APBA2: variants seen among roughly 807,000 people sequenced by gnomAD.
The protein encoded by APBA2 is amyloid-beta A4 precursor protein-binding family A member 2.
APBA2 carries 30 observed loss-of-function variants against 75.0 expected under a neutral mutation model. The ratio of observed to expected loss-of-function variants is 0.40; its 90% CI spans 0.30 to 0.54. The LOEUF is 0.54. Among genes scored for constraint, APBA2 ranks in the 20% least tolerant of loss-of-function variants. APBA2 has a pLI of 0.49. For synonymous variants in APBA2, 444 were observed against 409.6 expected (o/e 1.08, Z -1.01); for missense variants, 801 against 1,016.1 (o/e 0.79, Z 2.88).
chr15:28,919,706 G>A (rs1420785216), intron 1 of APBA2, among the ~76,000 whole-genome samples: 3 of 152,204 alleles, frequency 2.0e-5, no homozygotes, highest in Non-Finnish European at 4.4e-5. Flanking sequence ...CAGAAGGGCT[G>A]TGTACTTTTG....
intron 14 of APBA2, among the ~76,000 whole-genome samples, chr15:29,116,747 G>A (rs1465775872): frequency 6.6e-6 from 1 of 152,174 alleles, no homozygotes; most frequent in African/African-American, 2.4e-5. Flanking sequence ...CAGCCCCAGT[G>A]GATGGGCAAA....
chr15:28,888,133 T>A (rs2031879754), intron 1 of APBA2, among the ~76,000 whole-genome samples: 1 of 152,220 alleles, frequency 6.6e-6, no homozygotes, highest in Non-Finnish European at 1.5e-5. Flanking sequence ...TTTTAAGTAG[T>A]TCTAACCTCT....
chr15:28,934,063 G>T (rs1258118563), intron 2 of APBA2, among the ~76,000 whole-genome samples: 1 of 151,862 alleles, frequency 6.6e-6, no homozygotes, highest in Non-Finnish European at 1.5e-5. Flanking sequence ...CTTCCGCCTG[G>T]TCTCTAAACC....
In APBA2 at chr15:29,106,808, G is replaced by A. The variant is rs1419720571; in HGVS notation, c.1906G>A (p.Gly636Ser). 11 of 1,612,718 alleles carry A rather than the reference G, an allele frequency of 6.8e-6. No individual in the cohort carries two copies. The highest frequency in any genetic ancestry group is 9.3e-6 in the Non-Finnish European group (11 of 1,179,826). The change falls in exon 12 of 15, where the codon GGC (glycine) becomes AGC (serine). Residue 636 changes from glycine to serine, a missense_variant. Physicochemically the swap from Gly to Ser is moderately conservative, Grantham distance 56. Transcript: ENST00000683413. ...GGGGCTGCCCCTCGCCACCTGCCAA[G>A]GCATCATCAAGGTAGGCACCCTGGG... ...LVGLPLATCQ[G>S]IIKGLKNQTQ...
intron 2 of APBA2, among the ~76,000 whole-genome samples, chr15:28,944,189 A>G (rs1028488826): frequency 6.6e-6 from 1 of 152,192 alleles, no homozygotes; most frequent in Admixed American, 6.5e-5. Flanking sequence ...GAGACATCAG[A>G]TAAGAGACAT....
chr15:28,930,274 G>T (rs2034494541), intron 2 of APBA2, among the ~76,000 whole-genome samples: 1 of 152,174 alleles, frequency 6.6e-6, no homozygotes, highest in Non-Finnish European at 1.5e-5. Flanking sequence ...AGGACCATAA[G>T]GTCCATCTGG....
chr15:28,903,739 G>A (rs1317720405), intron 1 of APBA2, among the ~76,000 whole-genome samples: 1 of 152,206 alleles, frequency 6.6e-6, no homozygotes, highest in Non-Finnish European at 1.5e-5. Context: ...GATGATGTGA[G>A]TCATGACAGA....
chr15:29,098,027 G>A (rs997525072), intron 8 of APBA2, among the ~76,000 whole-genome samples: 1 of 152,152 alleles, frequency 6.6e-6, no homozygotes, highest in Non-Finnish European at 1.5e-5. Context: ...GTGTCTGCGC[G>A]CCACATTTCT....
At chr15:28,995,687 A>G (rs1012483425) in intron 2 of APBA2, 66 bp from the exon 3 acceptor site, 9 of 152,152 alleles carry the variant, frequency 5.9e-5, no homozygotes, top group Admixed American at 3.9e-4. Context: ...AAGGAGCTCT[A>G]TGTGCGCACC....
chr15:29,076,288 G>C (rs912098099), intron 6 of APBA2, among the ~76,000 whole-genome samples, 197 bp downstream of exon 6: 1 of 152,106 alleles, frequency 6.6e-6, no homozygotes, highest in Non-Finnish European at 1.5e-5. Context: ...TGATCTGCCC[G>C]CTTTGATGCA....
chr15:29,118,266 G>A lies in APBA2; in HGVS notation c.*1133G>A, dbSNP rs556846738. 11 of 152,634 alleles carry A rather than the reference G, an allele frequency of 7.2e-5. No homozygotes were observed. The highest frequency in any genetic ancestry group is 2.4e-4 in the African/African-American group (10 of 41,588). The allele number at this position is 152,634 out of a possible 1,614,324, so 9.5% of individuals were successfully genotyped here. ...TGCCGTGTGTTGCATGCAGCTACCCGTAGGAAGACTTCGCGCATATCACTA... is the reference window on the plus strand; with the variant it reads ...TGCCGTGTGTTGCATGCAGCTACCCATAGGAAGACTTCGCGCATATCACTA... On this transcript the variant is annotated 3_prime_UTR_variant, in exon 15 of 15. Transcript: ENST00000683413.
chr15:28,961,207 C>G (rs1240194924), intron 2 of APBA2: 1 of 152,230 alleles, frequency 6.6e-6, no homozygotes, highest in Non-Finnish European at 1.5e-5. Flanking sequence ...CACTCAGAAA[C>G]AGTGTGCTGA....
intron 4 of APBA2, among the ~76,000 whole-genome samples, chr15:29,073,141 A>C (rs1312712310): frequency 6.6e-6 from 1 of 152,204 alleles, no homozygotes; most frequent in Non-Finnish European, 1.5e-5. Context: ...TCAAAACCCC[A>C]GAGAGGCAGA....
chr15:28,995,005 A>T (rs973929396), intron 2 of APBA2, among the ~76,000 whole-genome samples: 1 of 152,196 alleles, frequency 6.6e-6, no homozygotes, highest in Non-Finnish European at 1.5e-5. Flanking sequence ...ACATGGAGGG[A>T]GAGGCAGAAT....
At chr15:28,984,339 C>T (rs1333469368) in intron 2 of APBA2, among the ~76,000 whole-genome samples, 4 of 152,054 alleles carry the variant, frequency 2.6e-5, no homozygotes, top group Admixed American at 2.0e-4. Flanking sequence ...ATTTATGCCA[C>T]GTAGCAACCC....
intron 13 of APBA2, among the ~76,000 whole-genome samples, chr15:29,110,616 C>CA (rs1468494441): frequency 6.6e-6 from 1 of 152,218 alleles, no homozygotes; most frequent in Non-Finnish European, 1.5e-5. Context: ...ACTATAACCC[C>CA]ATGAGGAGCA....
rs1477380483 is a variant in APBA2, at chr15:29,117,445, T to C, written c.*312T>C. 2.2e-6 allele frequency: 1 copy of C among 450,364 alleles called. No homozygotes were observed. Among genetic ancestry groups the C allele is most frequent in the Non-Finnish European group, 4.1e-6 (1 of 244,292 alleles). 27.9% of individuals were successfully genotyped at this position (450,364 alleles called of 1,614,324 possible). A position where few individuals can be genotyped will look rare whatever the true frequency, so the allele number is the denominator to read the frequency against. Reference sequence around the variant, plus strand: ...GTAGCTGTGCGTGGTGTGGAGTGTGTGTCTTTCCTCCCTGAAGCTGTGCGG... The same window carrying C: ...GTAGCTGTGCGTGGTGTGGAGTGTGCGTCTTTCCTCCCTGAAGCTGTGCGG... On this transcript the variant is annotated 3_prime_UTR_variant, in exon 15 of 15. Transcript: ENST00000683413.
intron 14 of APBA2, among the ~76,000 whole-genome samples, chr15:29,115,130 C>T (rs2045012421): frequency 6.6e-6 from 1 of 151,828 alleles, no homozygotes; most frequent in Non-Finnish European, 1.5e-5. Flanking sequence ...CAGAGGGGCC[C>T]GCTGGGGACC....
chr15:28,910,034 C>A (rs548783363), intron 1 of APBA2, among the ~76,000 whole-genome samples: 36 of 151,914 alleles, frequency 2.4e-4, no homozygotes, highest in Admixed American at 6.6e-4. Flanking sequence ...GTTGGTATAC[C>A]CAGAAAGAGA....
Sources: gnomAD v4.1 joint callset for allele counts (sites outside exome capture counted in the v4.1 genomes callset) on GRCh38, gnomAD v4.1.1 for gene constraint, MANE v1.5 for transcripts, NCBI Gene and HGNC (gene_info 2026-07-23, HGNC 2026-07-21) for gene names.